Variants in NFIB observed in about 807,000 individuals in gnomAD.
NFIB encodes the protein nuclear factor 1 B-type.
Under a neutral mutation model 61.5 loss-of-function variants are expected in NFIB, and 11 were observed. That is an observed-to-expected ratio of 0.18 (90% CI 0.11 to 0.30). The LOEUF (loss-of-function observed/expected upper bound fraction) is 0.30. Among genes scored for constraint, NFIB ranks in the 10% least tolerant of loss-of-function variants. The pLI, the probability that NFIB is intolerant of heterozygous loss-of-function variation, is 1.00. For missense variants in NFIB, 471 were observed against 608.9 expected, an observed-to-expected ratio of 0.77 and a Z score of 2.38; for synonymous variants, 260 against 216.5, an observed-to-expected ratio of 1.20 and a Z score of -1.76.
chr9:14,094,135 A>T (rs990717211), intron 10 of NFIB: 1 of 152,092 alleles, frequency 6.6e-6, no homozygotes, highest in African/African-American at 2.4e-5. Context: ...GAATTCGAGC[A>T]ATGTCATTCT....
chr9:14,353,392 G>C (rs111922028), intron 1 of NFIB, among the ~76,000 whole-genome samples: 68 of 152,296 alleles, frequency 4.5e-4, no homozygotes, highest in African/African-American at 1.6e-3. Context: ...CTGCAAGTGA[G>C]AACAAATGGT....
At chr9:14,219,580 CAT>C (rs1292727067) in intron 2 of NFIB, among the ~76,000 whole-genome samples, 1 of 152,136 alleles carries the variant, frequency 6.6e-6, no homozygotes, top group African/African-American at 2.4e-5. Flanking sequence ...TGTTCATTCA[CAT>C]GTTATTCCTG....
chr9:14,389,244 C>A (rs1252562783), intron 1 of NFIB, among the ~76,000 whole-genome samples: 1 of 152,142 alleles, frequency 6.6e-6, no homozygotes, highest in Non-Finnish European at 1.5e-5. Context: ...TTTCCTGGTG[C>A]TCATGATTCT....
chr9:14,423,114 A>G, the NFIB span, among the ~76,000 whole-genome samples: 2 of 152,216 alleles, frequency 1.3e-5, no homozygotes. Flanking sequence ...TTTAATTCAG[A>G]GTGCTACCAT....
intron 1 of NFIB, among the ~76,000 whole-genome samples, chr9:14,375,029 T>C (rs1020771089): frequency 6.6e-6 from 1 of 152,230 alleles, no homozygotes; most frequent in African/African-American, 2.4e-5. Flanking sequence ...TTTTATTACA[T>C]GCTATGCTTC....
At chr9:14,522,256 TA>T in the NFIB span, among the ~76,000 whole-genome samples, 1 of 152,184 alleles carries the variant, frequency 6.6e-6, no homozygotes, top group Non-Finnish European at 1.5e-5. Context: ...TTTTTCCCAC[TA>T]AAAACTAACA....
chr9:14,224,064 G>T (rs10961430), intron 2 of NFIB, among the ~76,000 whole-genome samples: 2 of 152,064 alleles, frequency 1.3e-5, no homozygotes, highest in African/African-American at 4.8e-5. Context: ...AAAACAAACA[G>T]TAAAATGTCC....
intron 2 of NFIB, among the ~76,000 whole-genome samples, chr9:14,268,393 A>G (rs1231234268): frequency 6.6e-6 from 1 of 152,066 alleles, no homozygotes; most frequent in African/African-American, 2.4e-5. Flanking sequence ...CTAGTCTCTT[A>G]CAACTCTCCT....
At chr9:14,281,082 G>A (rs942896777) in intron 2 of NFIB, among the ~76,000 whole-genome samples, 3 of 152,136 alleles carry the variant, frequency 2.0e-5, no homozygotes, top group African/African-American at 7.2e-5. Flanking sequence ...ATGGTTGTGA[G>A]AGCAGCAAAA....
rs923425689 is a variant in NFIB at position 14,087,407 on chromosome 9, C to T, written c.*902G>A. Reference sequence around the variant, plus strand: ...TGAAGGACTTATAATCATGATTCCCCTTTAGATATAAATTTATAAATTGCA... The same window carrying T: ...TGAAGGACTTATAATCATGATTCCCTTTTAGATATAAATTTATAAATTGCA... On this transcript the variant is annotated 3_prime_UTR_variant, in exon 11 of 11. Transcript: ENST00000380953. 4.8e-6 allele frequency: 1 copy of T among 209,042 alleles called. No individual in the cohort carries two copies. The highest frequency in any genetic ancestry group is 9.8e-6 in the Non-Finnish European group (1 of 102,462). 12.9% of individuals were successfully genotyped at this position (209,042 alleles called of 1,614,324 possible). A position where few individuals can be genotyped will look rare whatever the true frequency, so the allele number is the denominator to read the frequency against.
chr9:14,346,288 A>ACCCCCC (rs1455937583), intron 1 of NFIB, among the ~76,000 whole-genome samples: 5 of 72,002 alleles, frequency 6.9e-5, no homozygotes, highest in Non-Finnish European at 1.5e-4. Flanking sequence ...GAGGTAACCG[A>ACCCCCC]CACCCCCCCC....
intron 1 of NFIB, among the ~76,000 whole-genome samples, chr9:14,348,746 C>G (rs1455235053): frequency 1.3e-5 from 2 of 152,220 alleles, no homozygotes; most frequent in African/African-American, 4.8e-5. Context: ...GTGGCAGTGC[C>G]TAGCGAGCTG....
At chr9:14,256,894 C>T (rs1378770547) in intron 2 of NFIB, among the ~76,000 whole-genome samples, 1 of 152,182 alleles carries the variant, frequency 6.6e-6, no homozygotes, top group African/African-American at 2.4e-5. Flanking sequence ...CTTCCATGGC[C>T]TAGTTTGACC....
In NFIB at chr9:14,086,385, T is replaced by A. The variant is rs1005048680; in HGVS notation, c.*1924A>T. The A allele has an allele frequency of 1.4e-5, 3 of 220,236 alleles. No individual in the cohort carries two copies. Among genetic ancestry groups the A allele is most frequent in the Admixed American group, 1.2e-4 (2 of 17,304 alleles). The allele number at this position is 220,236 out of a possible 1,614,324, so 13.6% of individuals were successfully genotyped here. On this transcript the variant is annotated 3_prime_UTR_variant, in exon 11 of 11. Coordinates refer to ENST00000380953, the MANE Select transcript of NFIB (RefSeq NM_001190737.2). ...AACAAACAAAAAAGCATACATTATTTTTTTTTTAAATCTGTGTACTTACCT... is the reference window on the plus strand; with the variant it reads ...AACAAACAAAAAAGCATACATTATTATTTTTTTAAATCTGTGTACTTACCT...
intron 1 of NFIB, among the ~76,000 whole-genome samples, chr9:14,360,115 A>G (rs2061221220): frequency 6.6e-6 from 1 of 152,210 alleles, no homozygotes; most frequent in South Asian, 2.1e-4. Context: ...AGGCATAACT[A>G]AAAAAGACAA....
At chr9:14,309,006 T>C (rs80300155) in intron 1 of NFIB, among the ~76,000 whole-genome samples, 1 of 152,138 alleles carries the variant, frequency 6.6e-6, no homozygotes, top group African/African-American at 2.4e-5. Flanking sequence ...AAGCCAAGAT[T>C]TGAAGCAAAT....
the NFIB span, among the ~76,000 whole-genome samples, chr9:14,486,763 A>T: frequency 6.6e-6 from 1 of 152,162 alleles, no homozygotes; most frequent in Non-Finnish European, 1.5e-5. Flanking sequence ...ACAAAATATT[A>T]ACTGGGGTAT....
chr9:14,267,505 A>G (rs2057296146), intron 2 of NFIB, among the ~76,000 whole-genome samples: 3 of 152,180 alleles, frequency 2.0e-5, no homozygotes, highest in African/African-American at 7.2e-5. Context: ...GTTAATTCTC[A>G]TCTTTTCCTA....
chr9:14,412,131 T>A, the NFIB span, among the ~76,000 whole-genome samples: 1 of 152,204 alleles, frequency 6.6e-6, no homozygotes, highest in Non-Finnish European at 1.5e-5. Flanking sequence ...AGAATCTGTA[T>A]GAGACAAGAG....
Sources: allele counts gnomAD v4.1 joint callset (sites outside exome capture counted in the v4.1 genomes callset), GRCh38; gene constraint gnomAD v4.1.1; transcripts MANE v1.5; gene names NCBI Gene and HGNC (gene_info 2026-07-23, HGNC 2026-07-21).